The following RIMBP2 variants were observed in gnomAD, a reference collection of about 807,000 sequenced individuals.
RIMBP2 encodes RIMS-binding protein 2.
A neutral mutation model predicts 118.6 loss-of-function variants in RIMBP2; 48 were observed. That is an observed-to-expected ratio of 0.40 (90% confidence interval 0.32 to 0.51). The LOEUF (loss-of-function observed/expected upper bound fraction) is 0.51. Among genes scored for constraint, RIMBP2 ranks in the 20% least tolerant of loss-of-function variants. RIMBP2 has a pLI of 0.41. For synonymous variants in RIMBP2, 762 were observed against 742.9 expected, an observed-to-expected ratio of 1.03 and a Z score of -0.42; for missense variants, 1,551 against 1,768.3, an observed-to-expected ratio of 0.88 and a Z score of 2.20.
chr12:130,419,396 C>T lies in RIMBP2; in HGVS notation c.3238+3057G>A, dbSNP rs2076285706. The T allele has an allele frequency of 6.6e-6, 1 of 152,260 alleles. No homozygotes were observed. Among genetic ancestry groups the T allele is most frequent in the African/African-American group, 2.4e-5 (1 of 41,446 alleles). The allele number at this position is 152,260 out of a possible 1,614,324, so 9.4% of individuals were successfully genotyped here. On this transcript the variant is annotated intron_variant, in intron 17 of 22. Transcript: ENST00000690449. The surrounding 1 kb of genome is among the most constrained non-coding windows in gnomAD (Gnocchi z 4.3). Reference sequence around the variant, plus strand: ...GGTGGGCTCCCAAATCCACTGGTGCCATAAGAATAAGCACCGTCTTCTACA... The same window carrying T: ...GGTGGGCTCCCAAATCCACTGGTGCTATAAGAATAAGCACCGTCTTCTACA...
chr12:130,646,468 T>C (rs7136998), intron 1 of RIMBP2, among the ~76,000 whole-genome samples: 4,657 of 24,554 alleles, frequency 0.19, 1,761 homozygotes, highest in East Asian at 0.91. Context: ...CCTCCCTCGC[T>C]ACCTCCCTCA....
At chr12:130,415,654 C>G (rs2076053519) in intron 17 of RIMBP2, among the ~76,000 whole-genome samples, 1 of 78,742 alleles carries the variant, frequency 1.3e-5, no homozygotes, top group Non-Finnish European at 3.3e-5. Context: ...AACAAGAAGT[C>G]AAATTCTCTC....
chr12:130,517,788 C>T lies in RIMBP2; in HGVS notation c.-127+40G>A, dbSNP rs575331911. 1.8e-4 allele frequency: 160 copies of T among 899,764 alleles called. No individual in the cohort carries two copies. The South Asian group carries it at 5.6e-3, about 32-fold the overall frequency. 55.7% of individuals were successfully genotyped at this position (899,764 alleles called of 1,614,324 possible). Reference sequence around the variant, plus strand: ...TCCTCCCTGGCCCAGCCCGCTCCCTCCAGGGCCCCAGATGGTCTGTGGACA... The same window carrying T: ...TCCTCCCTGGCCCAGCCCGCTCCCTTCAGGGCCCCAGATGGTCTGTGGACA... On this transcript the variant is annotated intron_variant, in intron 3 of 22. Coordinates refer to ENST00000690449, the MANE Select transcript of RIMBP2 (RefSeq NM_001393629.1).
rs566583553 is a variant in RIMBP2, at chr12:130,421,066, G to T, written c.3238+1387C>A. On this transcript the variant is annotated intron_variant, in intron 17 of 22. Coordinates refer to ENST00000690449, the MANE Select transcript of RIMBP2 (RefSeq NM_001393629.1). ...GAGAGAATGAGAGCCTTGAACAGGG[G>T]GATTGGCCTTTTCCCCACATCGTTT... 6 of 152,178 alleles carry T rather than the reference G, an allele frequency of 3.9e-5. No individual in the cohort carries two copies. In the South Asian group the frequency reaches 8.4e-4, roughly 21 times the overall value. 9.4% of individuals were successfully genotyped at this position (152,178 alleles called of 1,614,324 possible).
chr12:130,532,633 G>T (rs1228990962), intron 2 of RIMBP2, among the ~76,000 whole-genome samples: 4 of 129,266 alleles, frequency 3.1e-5, no homozygotes, highest in Non-Finnish European at 3.3e-5. Context: ...CCTCTAGGAG[G>T]TACGTCTAAT....
chr12:130,596,220 A>AGACACGT (rs1163539616), intron 2 of RIMBP2, among the ~76,000 whole-genome samples: 10 of 152,182 alleles, frequency 6.6e-5, no homozygotes, highest in African/African-American at 2.4e-4. Flanking sequence ...GGCAGAAAAC[A>AGACACGT]GACACGTGGA....
chr12:130,705,106 G>A (rs1251098915), intron 1 of RIMBP2, among the ~76,000 whole-genome samples: 1 of 152,172 alleles, frequency 6.6e-6, no homozygotes, highest in Non-Finnish European at 1.5e-5. Context: ...GCTGCCTCTG[G>A]GGGCTCCTCT....
At chr12:130,537,892 T>A (rs2054219091) in intron 2 of RIMBP2, among the ~76,000 whole-genome samples, 1 of 152,222 alleles carries the variant, frequency 6.6e-6, no homozygotes. Flanking sequence ...TTGGCTGGAC[T>A]CAGGGTGAAA....
chr12:130,405,851 A>G (rs1317474), intron 21 of RIMBP2, among the ~76,000 whole-genome samples: 28,795 of 152,174 alleles, frequency 0.19, 3,214 homozygotes, highest in East Asian at 0.42. Context: ...AGTAATCTAG[A>G]AACTTAAATT....
At chr12:130,412,836 G>A in intron 18 of RIMBP2, 49 bp from the exon 19 acceptor site, 1 of 1,531,504 alleles carries the variant, frequency 6.5e-7, no homozygotes, top group Non-Finnish European at 8.9e-7. Flanking sequence ...GATTGGTTCA[G>A]AAATACAATA....
chr12:130,631,241 C>A (rs868632304), intron 1 of RIMBP2, among the ~76,000 whole-genome samples: 18 of 152,224 alleles, frequency 1.2e-4, no homozygotes, highest in Middle Eastern at 3.4e-3. Flanking sequence ...AACTAAAAAG[C>A]CATACAACGA....
rs564609490 is a variant in RIMBP2 at position 130,603,634 on chromosome 12, C to T, written c.-217+24688G>A. On this transcript the variant is annotated intron_variant, in intron 2 of 22. Coordinates refer to ENST00000690449, the MANE Select transcript of RIMBP2 (RefSeq NM_001393629.1). Reference sequence around the variant, plus strand: ...AGTCACGAGCTGAGGAACAATGTTTCCGTCAAGGAGGGACACATACTTGCC... The same window carrying T: ...AGTCACGAGCTGAGGAACAATGTTTTCGTCAAGGAGGGACACATACTTGCC... Among the ~76,000 whole-genome samples the T allele has an allele frequency of 3.3e-5, 5 of 152,150 alleles. No homozygotes were observed. The South Asian group carries it at 1.0e-3, about 32-fold the overall frequency.
At chr12:130,690,654 A>C (rs2065268977) in intron 1 of RIMBP2, among the ~76,000 whole-genome samples, 1 of 152,162 alleles carries the variant, frequency 6.6e-6, no homozygotes, top group African/African-American at 2.4e-5. Context: ...CTATTTTAGC[A>C]TAATCTTTAG....
chr12:130,516,310 C>G (rs549263096), intron 3 of RIMBP2, among the ~76,000 whole-genome samples: 7 of 152,334 alleles, frequency 4.6e-5, no homozygotes, highest in African/African-American at 1.7e-4. Flanking sequence ...GCAAAATTAA[C>G]AGCTTAAAAC....
intron 6 of RIMBP2, among the ~76,000 whole-genome samples, chr12:130,457,016 GCAAA>G (rs1299910116): frequency 6.6e-6 from 1 of 152,190 alleles, no homozygotes; most frequent in Admixed American, 6.5e-5. Flanking sequence ...AAGAAATCCT[GCAAA>G]CACTCAGCTC....
chr12:130,548,018 C>G (rs1408228924), intron 2 of RIMBP2, among the ~76,000 whole-genome samples: 7 of 152,184 alleles, frequency 4.6e-5, no homozygotes, highest in Admixed American at 3.9e-4. Flanking sequence ...AAGTAGTAGA[C>G]ACTTTCAGCA....
At chr12:130,607,409 C>A (rs1362556149) in intron 2 of RIMBP2, among the ~76,000 whole-genome samples, 1 of 152,036 alleles carries the variant, frequency 6.6e-6, no homozygotes, top group Non-Finnish European at 1.5e-5. Flanking sequence ...CGGGTGCCTC[C>A]AGTTGATAGC....
rs1354890042 is a variant in RIMBP2 at position 130,447,044 on chromosome 12, G to A, written c.582-1775C>T. Among the ~76,000 whole-genome samples the A allele has an allele frequency of 2.0e-5, 3 of 151,622 alleles. No homozygotes were observed. The highest frequency in any genetic ancestry group is 7.3e-5 in the African/African-American group (3 of 41,188). On this transcript the variant is annotated intron_variant, in intron 9 of 22. Transcript: ENST00000690449. This position sits in a 1 kb window ranked among gnomAD's most constrained non-coding sequence, Gnocchi z 4.4. ...GGGGGGTCTGGATGGGTAGATGGCC[G>A]AGACACAGAAGCTGGCAGAGTGTTC...
At chr12:130,587,940 C>T (rs969445485) in intron 2 of RIMBP2, among the ~76,000 whole-genome samples, 5 of 152,146 alleles carry the variant, frequency 3.3e-5, no homozygotes, top group Admixed American at 2.0e-4. Context: ...CACCTGCCAG[C>T]ACATATGATG....
Sources: gnomAD v4.1 joint callset for allele counts (sites outside exome capture counted in the v4.1 genomes callset) on GRCh38, gnomAD v4.1.1 for gene constraint, Gnocchi (gnomAD v3.1) non-coding constraint, MANE v1.5 for transcripts, NCBI Gene and HGNC (gene_info 2026-07-23, HGNC 2026-07-21) for gene names.